Variants in SIK3 observed in about 807,000 individuals in gnomAD.
SIK3 encodes the protein SIK family kinase 3, also known as serine/threonine-protein kinase SIK3.
SIK3 carries 28 observed loss-of-function variants against 144.2 expected under a neutral mutation model. That is an observed-to-expected ratio of 0.19 (90% CI 0.14 to 0.27). SIK3 has a LOEUF of 0.27. Ranked by LOEUF, SIK3 falls within the 10% of genes least tolerant of loss-of-function variation. SIK3 has a pLI of 1.00. For missense variants in SIK3, 1,319 were observed against 1,776.0 expected (o/e 0.74, Z 4.62); for synonymous variants, 686 against 676.3 (o/e 1.01, Z -0.22).
chr11:116,983,525 C>A (rs1950222874), intron 1 of SIK3, among the ~76,000 whole-genome samples: 1 of 150,202 alleles, frequency 6.7e-6, no homozygotes, highest in Non-Finnish European at 1.5e-5. Context: ...GCAAGACTAT[C>A]TCAAAAAAAA....
At position 116,911,928 on chromosome 11, in the gene SIK3, G is replaced by A. The variant is rs562317538; in HGVS notation, c.617-14611C>T. Among the ~76,000 whole-genome samples the A allele has an allele frequency of 7.9e-5, 12 of 152,256 alleles. No homozygotes were observed. The East Asian group carries it at 2.3e-3, about 29-fold the overall frequency. Reference sequence around the variant, plus strand: ...AATGATGAATATTCTAAAGAGTTACGGAAGAACAGGGAGAAACAGAAGAAG... The same window carrying A: ...AATGATGAATATTCTAAAGAGTTACAGAAGAACAGGGAGAAACAGAAGAAG... On this transcript the variant is annotated intron_variant, in intron 4 of 24. Transcript: ENST00000445177.
chr11:116,855,648 G>A (rs1942850381), intron 21 of SIK3: 1 of 152,296 alleles, frequency 6.6e-6, no homozygotes, highest in Non-Finnish European at 1.5e-5. Flanking sequence ...ACTGTTTGCT[G>A]CAGCTATGCT....
At chr11:116,915,156 G>GTGTGTGTA (rs1555093387) in intron 4 of SIK3, among the ~76,000 whole-genome samples, 4,144 of 148,022 alleles carry the variant, frequency 0.028, 108 homozygotes, top group East Asian at 0.16. Flanking sequence ...GTGTGTGTGT[G>GTGTGTGTA]TGTGTATGTG....
intron 4 of SIK3, among the ~76,000 whole-genome samples, chr11:116,918,654 C>A (rs533883341): frequency 4.6e-5 from 7 of 152,298 alleles, no homozygotes; most frequent in Admixed American, 6.5e-5. Flanking sequence ...CTCAGGCTGG[C>A]CTCTGTTTAC....
At chr11:116,973,305 A>C (rs1949830438) in intron 1 of SIK3, among the ~76,000 whole-genome samples, 1 of 152,220 alleles carries the variant, frequency 6.6e-6, no homozygotes, top group Admixed American at 6.5e-5. Context: ...ATCATCTCCA[A>C]GAAATTCTAG....
chr11:116,883,883 G>A (rs768837162), intron 6 of SIK3, among the ~76,000 whole-genome samples: 38 of 151,890 alleles, frequency 2.5e-4, no homozygotes, highest in Non-Finnish European at 4.9e-4. Flanking sequence ...GCAGTGAGCC[G>A]AGATTGTGCC....
chr11:116,853,556 C>T (rs1416533902), intron 21 of SIK3, among the ~76,000 whole-genome samples: 4 of 152,364 alleles, frequency 2.6e-5, no homozygotes, highest in African/African-American at 9.6e-5. Context: ...TCTATTGAAT[C>T]TGTCAATGTT....
chr11:117,061,744 A>T (rs531679357), intron 1 of SIK3, among the ~76,000 whole-genome samples: 1 of 152,336 alleles, frequency 6.6e-6, no homozygotes, highest in Admixed American at 6.5e-5. Flanking sequence ...AAAGCACTGT[A>T]TTCGCTGGTA....
chr11:117,087,945 G>A (rs1955085552), intron 1 of SIK3, among the ~76,000 whole-genome samples: 1 of 152,190 alleles, frequency 6.6e-6, no homozygotes, highest in Non-Finnish European at 1.5e-5. Context: ...TAAAACTGAT[G>A]TTGGCCAGGC....
At chr11:117,092,512 T>C (rs1410529774) in intron 1 of SIK3, among the ~76,000 whole-genome samples, 1 of 152,218 alleles carries the variant, frequency 6.6e-6, no homozygotes, top group Admixed American at 6.5e-5. Flanking sequence ...TATTCATTCC[T>C]ATATGAAATT....
intron 1 of SIK3, among the ~76,000 whole-genome samples, chr11:116,995,124 G>A (rs971106854): frequency 8.6e-5 from 13 of 151,922 alleles, no homozygotes; most frequent in Middle Eastern, 3.4e-3. Flanking sequence ...AAAATTAGCT[G>A]GGCATGATGG....
At chr11:116,848,985 C>G in intron 22 of SIK3, 135 bp downstream of exon 22, 1 of 1,028,566 alleles carries the variant, frequency 9.7e-7, no homozygotes, top group Non-Finnish European at 1.3e-6. Context: ...AAAAGAAATG[C>G]TCCCCACCGT....
At chr11:117,087,572 G>A (rs914771639) in intron 1 of SIK3, among the ~76,000 whole-genome samples, 4 of 152,124 alleles carry the variant, frequency 2.6e-5, no homozygotes, top group Admixed American at 1.3e-4. Context: ...AGGTTTAGAG[G>A]TGTAGTAGAG....
chr11:116,948,604 A>G (rs1341546038), intron 3 of SIK3, among the ~76,000 whole-genome samples: 4 of 152,076 alleles, frequency 2.6e-5, no homozygotes, highest in African/African-American at 9.7e-5. Context: ...GGACTGTAGT[A>G]ATGTTCCTTT....
At chr11:116,853,717 G>T (rs1282935830) in intron 21 of SIK3, among the ~76,000 whole-genome samples, 1 of 152,270 alleles carries the variant, frequency 6.6e-6, no homozygotes, top group African/African-American at 2.4e-5. Flanking sequence ...GAGGCTGACT[G>T]AGCTCAGAGA....
At chr11:117,057,572 A>G (rs1350746869) in intron 1 of SIK3, among the ~76,000 whole-genome samples, 1 of 152,178 alleles carries the variant, frequency 6.6e-6, no homozygotes, top group Non-Finnish European at 1.5e-5. Flanking sequence ...AATTAACCAG[A>G]CAGGTATGAT....
chr11:116,907,003 G>T (rs1259255378), intron 4 of SIK3, among the ~76,000 whole-genome samples: 1 of 152,174 alleles, frequency 6.6e-6, no homozygotes, highest in Non-Finnish European at 1.5e-5. Flanking sequence ...GAAAGACTTG[G>T]AACTGGACTG....
At chr11:116,941,652 A>G (rs540813266) in intron 3 of SIK3, among the ~76,000 whole-genome samples, 32 of 152,334 alleles carry the variant, frequency 2.1e-4, no homozygotes, top group Admixed American at 1.1e-3. Context: ...TGTTGGCACC[A>G]TTAAGAAATA....
At chr11:117,013,951 T>TGTGTGTGTGTGTGTGTGTGTGTG (rs1350690829) in intron 1 of SIK3, among the ~76,000 whole-genome samples, 1 of 95,362 alleles carries the variant, frequency 1.0e-5, no homozygotes, top group African/African-American at 3.6e-5. Flanking sequence ...TGTGTGTGTG[T>TGTGTGTGTGTGTGTGTGTGTGTG]TTTATTTCTT....
Sources: gnomAD v4.1 joint callset for allele counts (sites outside exome capture counted in the v4.1 genomes callset) on GRCh38, gnomAD v4.1.1 for gene constraint, MANE v1.5 for transcripts, NCBI Gene and HGNC (gene_info 2026-07-23, HGNC 2026-07-21) for gene names.